Variants in VPS36 observed in about 807,000 individuals in gnomAD.
VPS36 encodes the protein vacuolar protein sorting 36 homolog.
In VPS36, 31 loss-of-function variants were observed where a neutral mutation model predicts 63.5. The ratio of observed to expected loss-of-function variants is 0.49; its 90% CI spans 0.37 to 0.66. The LOEUF (loss-of-function observed/expected upper bound fraction) is 0.66. VPS36 is among the 30% of genes least tolerant of loss of function. The probability of loss-of-function intolerance (pLI) is 0.00; values close to 1 mark genes in which losing one functional copy is unlikely to be tolerated. For synonymous variants in VPS36, 138 were observed against 157.2 expected, an observed-to-expected ratio of 0.88 and a Z score of 0.91; for missense variants, 338 against 463.7, an observed-to-expected ratio of 0.73 and a Z score of 2.49.
At chr13:52,450,153 C>T in intron 1 of VPS36, 1 of 1,004,316 alleles carries the variant, frequency 1.0e-6, no homozygotes, top group East Asian at 1.0e-4. Flanking sequence ...TGCCGGATCG[C>T]CGCCCGGCGC....
intron 6 of VPS36, 21 bp downstream of exon 6, chr13:52,433,641 G>C (rs1170432088): frequency 5.1e-6 from 8 of 1,583,468 alleles, no homozygotes; most frequent in African/African-American, 1.4e-5. Context: ...AATAGATGGA[G>C]AGCCAGAATT....
At chr13:52,436,248 C>CACACACAT in intron 4 of VPS36, 42 bp downstream of exon 4, 1 of 1,408,248 alleles carries the variant, frequency 7.1e-7, no homozygotes. Context: ...CACACACACA[C>CACACACAT]ACACACCTTT....
intron 4 of VPS36, among the ~76,000 whole-genome samples, chr13:52,435,264 C>G (rs1479335825): frequency 6.6e-6 from 1 of 152,146 alleles, no homozygotes; most frequent in Non-Finnish European, 1.5e-5. Flanking sequence ...AGCCACCGCG[C>G]CCGGCCACTT....
intron 12 of VPS36, 92 bp from the exon 13 acceptor site, chr13:52,416,185 C>A: frequency 8.6e-7 from 1 of 1,156,972 alleles, no homozygotes; most frequent in East Asian, 2.4e-5. Flanking sequence ...AGAATGTATA[C>A]CAGTATATGC....
chr13:52,435,962 C>T (rs1057371343), intron 4 of VPS36: 2 of 202,252 alleles, frequency 9.9e-6, no homozygotes, highest in African/African-American at 4.6e-5. Flanking sequence ...CATACCACTG[C>T]ATTTACACTC....
Position 52,427,233 on chromosome 13 carries a change from T to G in VPS36, c.529-14A>C, listed in dbSNP as rs374040618. 8.7e-6 allele frequency: 14 copies of G among 1,612,824 alleles called. No homozygotes were observed. The African/African-American group carries it at 1.5e-4, about 17-fold the overall frequency. On this transcript the variant is annotated splice_polypyrimidine_tract_variant and intron_variant, in intron 6 of 13. Coordinates refer to ENST00000378060, the MANE Select transcript of VPS36 (RefSeq NM_016075.4). ...GTCTTCAAAGGCCTGAAATGAGAAA[T>G]GAATTTTGGTTGAAATCCATCTAAA...
chr13:52,438,287 T>TA (rs1958239322), intron 3 of VPS36, among the ~76,000 whole-genome samples: 1 of 152,130 alleles, frequency 6.6e-6, no homozygotes, highest in Non-Finnish European at 1.5e-5. Flanking sequence ...CAACCTACCC[T>TA]AAAAATCTAT....
chr13:52,434,720 C>A, intron 5 of VPS36, 73 bp downstream of exon 5: 1 of 1,379,144 alleles, frequency 7.3e-7, no homozygotes, highest in Non-Finnish European at 1.0e-6. Context: ...TCTACAATCA[C>A]AGAGTCTTTT....
chr13:52,418,048 T>A lies in VPS36; in HGVS notation c.849A>T (p.Ser283=). The A allele has an allele frequency of 6.2e-7, 1 of 1,611,382 alleles. No individual in the cohort carries two copies. The highest frequency in any genetic ancestry group is 8.5e-7 in the Non-Finnish European group (1 of 1,178,920). The change falls in exon 11 of 14, where the codon TCA becomes TCT. Residue 283 remains serine (S), a synonymous_variant. Transcript: ENST00000378060. ...TGCACGCATTCACTAAATCTTCTGGTGAGAGCAACTAATAGGGAAAAAAAA... is the reference window on the plus strand; with the variant it reads ...TGCACGCATTCACTAAATCTTCTGGAGAGAGCAACTAATAGGGAAAAAAAA... The part of the protein sequence containing the change: ...VNRARGMELL[S]PEDLVNACKM...
intron 1 of VPS36, among the ~76,000 whole-genome samples, chr13:52,444,713 A>G (rs561657931): frequency 4.6e-5 from 7 of 151,870 alleles, no homozygotes; most frequent in African/African-American, 1.7e-4. Context: ...CAAAATATAT[A>G]TAGCATGACT....
At position 52,427,073 on chromosome 13, in the gene VPS36, A is replaced by G. The variant is rs766986127; in HGVS notation, c.562-7T>C. 1.2e-6 allele frequency: 2 copies of G among 1,608,784 alleles called. No homozygotes were observed. Among genetic ancestry groups the G allele is most frequent in the South Asian group, 2.2e-5 (2 of 89,492 alleles). On this transcript the variant is annotated splice_region_variant and splice_polypyrimidine_tract_variant and intron_variant, in intron 7 of 13. Coordinates refer to ENST00000378060, the MANE Select transcript of VPS36 (RefSeq NM_016075.4). Reference sequence around the variant, plus strand: ...ATTCCACCATTTCCTTAGCCTGTCAAATAAAAAGTAAAGACTGAAAAGCAC... The same window carrying G: ...ATTCCACCATTTCCTTAGCCTGTCAGATAAAAAGTAAAGACTGAAAAGCAC...
intron 6 of VPS36, among the ~76,000 whole-genome samples, chr13:52,433,448 A>C (rs1369356373): frequency 1.3e-5 from 2 of 152,264 alleles, no homozygotes; most frequent in Non-Finnish European, 2.9e-5. Flanking sequence ...TTCTAACAGC[A>C]AACAAATTTG....
intron 3 of VPS36, 39 bp from the exon 4 acceptor site, chr13:52,436,443 C>T (rs1566088135): frequency 7.4e-7 from 1 of 1,346,988 alleles, no homozygotes; most frequent in East Asian, 2.4e-5. Flanking sequence ...AATTGTCTTT[C>T]AAAAAAATAT....
Position 52,436,410 on chromosome 13 carries a change from G to GA in VPS36, c.237-7dup. 1 of 1,581,478 alleles carries GA rather than the reference G, an allele frequency of 6.3e-7. No individual in the cohort carries two copies. Among genetic ancestry groups the GA allele is most frequent in the Non-Finnish European group, 8.7e-7 (1 of 1,154,372 alleles). On this transcript the variant is annotated splice_polypyrimidine_tract_variant and splice_region_variant and intron_variant, in intron 3 of 13. Transcript: ENST00000378060. ...GATGAACCACTATTTTGGCACTGAA[G>GA]AAAGAACAAATGTAATATATTGAAT...
chr13:52,426,008 T>C lies in VPS36; in HGVS notation c.698A>G (p.Glu233Gly), dbSNP rs1193528513. Residue 233 changes from glutamate (E) to glycine (G), a missense_variant, in exon 9 of 14, where the codon GAA (glutamate) becomes GGA (glycine). Coordinates refer to ENST00000378060, the MANE Select transcript of VPS36 (RefSeq NM_016075.4). Reference sequence around the variant, plus strand: ...GTACTGTGTGCCTGAGCCGTAGGTTTCTCTGGTAACTGGGTTAGCTATTCC... The same window carrying C: ...GTACTGTGTGCCTGAGCCGTAGGTTCCTCTGGTAACTGGGTTAGCTATTCC... ...SMGIANPVTR[E>G]TYGSGTQYHM... 5.6e-6 allele frequency: 9 copies of C among 1,614,180 alleles called. No individual in the cohort carries two copies. The Middle Eastern group carries it at 4.9e-4, about 89-fold the overall frequency.
chr13:52,425,825 T>A (rs1958096198), intron 9 of VPS36, 107 bp downstream of exon 9: 1 of 1,194,804 alleles, frequency 8.4e-7, no homozygotes, highest in East Asian at 2.7e-5. Flanking sequence ...AACATGTCAG[T>A]TGACAATAAC....
At chr13:52,435,247 A>G (rs1403526865) in intron 4 of VPS36, among the ~76,000 whole-genome samples, 2 of 152,134 alleles carry the variant, frequency 1.3e-5, no homozygotes, top group Non-Finnish European at 2.9e-5. Flanking sequence ...CTGGGATTAT[A>G]GGTGTGAGCC....
intron 9 of VPS36, 32 bp downstream of exon 9, chr13:52,425,900 T>C: frequency 1.3e-6 from 2 of 1,593,060 alleles, no homozygotes; most frequent in Non-Finnish European, 1.7e-6. Flanking sequence ...TTTAACACAG[T>C]TTAAAAAAAA....
rs750000143 is a variant in VPS36, at chr13:52,418,018, C to T, written c.879G>A (p.Met293Ile). The change falls in exon 11 of 14, where the codon ATG becomes ATA. Residue 293 changes from methionine to isoleucine, a missense_variant. By Grantham distance (10) the Met-to-Ile change is conservative. Transcript: ENST00000378060. The stretch of plus-strand genomic sequence containing the variant: ...TGAGAGGTAATTTCAGTGCTTCCAG[C>T]ATCTTGCACGCATTCACTAAATCTT... The part of the protein sequence containing the change: ...SPEDLVNACK[M>I]LEALKLPLRL... 8.7e-6 allele frequency: 14 copies of T among 1,611,188 alleles called. No homozygotes were observed. Among genetic ancestry groups the T allele is most frequent in the Non-Finnish European group, 1.0e-5 (12 of 1,178,852 alleles).
Sources: allele counts gnomAD v4.1 joint callset (sites outside exome capture counted in the v4.1 genomes callset), GRCh38; gene constraint gnomAD v4.1.1; transcripts MANE v1.5; gene names NCBI Gene and HGNC (gene_info 2026-07-23, HGNC 2026-07-21).